KIAA1549L: variants seen among roughly 807,000 people sequenced by gnomAD.
KIAA1549L encodes KIAA1549 like.
A neutral mutation model predicts 160.7 loss-of-function variants in KIAA1549L; 88 were observed. The observed-to-expected ratio is 0.55, with a 90% CI of 0.46 to 0.65. The LOEUF (loss-of-function observed/expected upper bound fraction) is 0.65, where lower values mean the gene tolerates loss of function less well. Among genes scored for constraint, KIAA1549L ranks in the 30% least tolerant of loss-of-function variants. The pLI is 0.00. For synonymous variants in KIAA1549L, 950 were observed against 976.7 expected, an observed-to-expected ratio of 0.97 and a Z score of 0.51; for missense variants, 2,258 against 2,437.5, an observed-to-expected ratio of 0.93 and a Z score of 1.55.
chr11:33,644,829 A>G (rs1851673331), intron 16 of KIAA1549L, among the ~76,000 whole-genome samples: 1 of 152,216 alleles, frequency 6.6e-6, no homozygotes, highest in African/African-American at 2.4e-5. Context: ...CTTGAGATTC[A>G]TGCACGTCCA....
At chr11:33,520,165 G>A (rs2756279) in intron 1 of KIAA1549L, among the ~76,000 whole-genome samples, 58,736 of 151,542 alleles carry the variant, frequency 0.39, 11,450 homozygotes, top group Middle Eastern at 0.54. Flanking sequence ...AAGATCTAGC[G>A]AATTTTTAAG....
At chr11:33,439,408 T>C (rs1851447689) in intron 1 of KIAA1549L, among the ~76,000 whole-genome samples, 1 of 151,782 alleles carries the variant, frequency 6.6e-6, no homozygotes, top group South Asian at 2.1e-4. Flanking sequence ...TTTTTGTTTC[T>C]GTTTTTGTTT....
intron 1 of KIAA1549L, among the ~76,000 whole-genome samples, chr11:33,466,899 A>C (rs796881560): frequency 6.8e-6 from 1 of 147,470 alleles, no homozygotes; most frequent in African/African-American, 2.5e-5. Context: ...GTTCTCACTC[A>C]TAAGTGGGAG....
At chr11:33,567,947 G>T (rs1855105336) in intron 8 of KIAA1549L, 129 bp from the exon 9 acceptor site, 3 of 860,412 alleles carry the variant, frequency 3.5e-6, no homozygotes, top group Non-Finnish European at 5.1e-6. Flanking sequence ...AGGTAAGGTT[G>T]GCCAAGCCCT....
chr11:33,595,696 A>G (rs887135283), intron 12 of KIAA1549L, among the ~76,000 whole-genome samples: 3 of 152,148 alleles, frequency 2.0e-5, no homozygotes, highest in Non-Finnish European at 4.4e-5. Flanking sequence ...CCCGTTATGA[A>G]TCTTATGTTT....
At chr11:33,481,124 G>A (rs1852403271) in intron 1 of KIAA1549L, among the ~76,000 whole-genome samples, 1 of 152,088 alleles carries the variant, frequency 6.6e-6, no homozygotes, top group Non-Finnish European at 1.5e-5. Context: ...GACTTCCTTT[G>A]GGCTAAGTGG....
chr11:33,583,758 C>CA, intron 11 of KIAA1549L, among the ~76,000 whole-genome samples: 1 of 152,102 alleles, frequency 6.6e-6, no homozygotes, highest in Non-Finnish European at 1.5e-5. Context: ...GGAGGAAGTA[C>CA]TATTATTTTA....
Position 33,543,450 on chromosome 11 carries a change from ACT to A in KIAA1549L, c.1891_1892del (p.Ser631HisfsTer49). The A allele has an allele frequency of 6.2e-7, 1 of 1,613,556 alleles. No homozygotes were observed. Among genetic ancestry groups the A allele is most frequent in the Non-Finnish European group, 8.5e-7 (1 of 1,179,816 alleles). ...LPSGPPLPSI[L>X]SIQATQTVFP... ...CTTCAGGACCACCTCTACCTTCCAT[ACT>A]CTCCATACAAGCCACCCAGACTGTT... On this transcript the variant is annotated frameshift_variant, in exon 2 of 21. Transcript: ENST00000658780. LOFTEE classifies it high-confidence loss of function.
chr11:33,480,315 T>C (rs149492145), intron 1 of KIAA1549L, among the ~76,000 whole-genome samples: 23 of 152,310 alleles, frequency 1.5e-4, no homozygotes, highest in African/African-American at 5.3e-4. Flanking sequence ...CTTCTTTCAC[T>C]TAGTATAAGG....
Position 33,671,605 on chromosome 11 carries a change from CACACACACACA to C in KIAA1549L, c.*3452_*3462del, listed in dbSNP as rs1309279593. On this transcript the variant is annotated 3_prime_UTR_variant, in exon 21 of 21. Transcript: ENST00000658780. ...AAACACACACACACACACACACACA[CACACACACACA>C]CCCTACTTCGGAGAGAGAATGTAGA... 5 of 152,148 alleles carry C rather than the reference CACACACACACA, an allele frequency of 3.3e-5. No homozygotes were observed. Among genetic ancestry groups the C allele is most frequent in the African/African-American group, 9.6e-5 (4 of 41,486 alleles). The allele number at this position is 152,148 out of a possible 1,614,324, so 9.4% of individuals were successfully genotyped here.
At chr11:33,409,812 G>A (rs1033054063) in intron 1 of KIAA1549L, among the ~76,000 whole-genome samples, 23 of 130,990 alleles carry the variant, frequency 1.8e-4, no homozygotes, top group African/African-American at 6.6e-4. Flanking sequence ...TTCCATGATG[G>A]TTTTCTCTAG....
rs72911182 is a variant in KIAA1549L, at chr11:33,492,712, G to A, written c.239-49090G>A. Reference sequence around the variant, plus strand: ...ACTGTGTTAGTTCTGCTTCTTTAGCGAGATTAGATTTATTATTGTCCCAGG... The same window carrying A: ...ACTGTGTTAGTTCTGCTTCTTTAGCAAGATTAGATTTATTATTGTCCCAGG... On this transcript the variant is annotated intron_variant, in intron 1 of 20. Coordinates refer to ENST00000658780, the MANE Select transcript of KIAA1549L (RefSeq NM_012194.3). Among the ~76,000 whole-genome samples, 662 of 152,214 alleles carry A rather than the reference G, an allele frequency of 4.3e-3. 3 individuals carry two copies. Among genetic ancestry groups the A allele is most frequent in the Non-Finnish European group, 6.8e-3 (464 of 68,002 alleles).
At chr11:33,554,721 C>T (rs1037081682) in intron 6 of KIAA1549L, among the ~76,000 whole-genome samples, 3 of 152,138 alleles carry the variant, frequency 2.0e-5, no homozygotes, top group Non-Finnish European at 2.9e-5. Flanking sequence ...ATGAACTAGG[C>T]CTGACTACTC....
At chr11:33,403,294 C>CACACATGCAGACACACACAG (rs1850552938) in intron 1 of KIAA1549L, 4 of 38,610 alleles carry the variant, frequency 1.0e-4, no homozygotes, top group African/African-American at 1.2e-4. Flanking sequence ...CACACACACA[C>CACACATGCAGACACACACAG]ACACACGCAT....
At chr11:33,515,532 TG>T (rs1853324421) in intron 1 of KIAA1549L, among the ~76,000 whole-genome samples, 1 of 152,168 alleles carries the variant, frequency 6.6e-6, no homozygotes, top group Non-Finnish European at 1.5e-5. Flanking sequence ...TGCTCAGCCA[TG>T]GGGGAGATGA....
chr11:33,648,935 C>T (rs1256759532), intron 17 of KIAA1549L, among the ~76,000 whole-genome samples: 2 of 152,286 alleles, frequency 1.3e-5, no homozygotes, highest in Middle Eastern at 3.4e-3. Flanking sequence ...GTCTACTGGA[C>T]ACAGCTAAGT....
At chr11:33,424,418 G>A (rs967332098) in intron 1 of KIAA1549L, among the ~76,000 whole-genome samples, 1 of 152,098 alleles carries the variant, frequency 6.6e-6, no homozygotes, top group African/African-American at 2.4e-5. Flanking sequence ...CATCCACCTT[G>A]CAGTCTTAAT....
intron 1 of KIAA1549L, among the ~76,000 whole-genome samples, chr11:33,525,210 T>A (rs1359407869): frequency 2.0e-5 from 3 of 152,180 alleles, no homozygotes; most frequent in Non-Finnish European, 4.4e-5. Context: ...GGCTTGCCAC[T>A]GCAGACTCTG....
At chr11:33,514,325 C>T (rs1011488901) in intron 1 of KIAA1549L, among the ~76,000 whole-genome samples, 2 of 152,188 alleles carry the variant, frequency 1.3e-5, no homozygotes, top group African/African-American at 4.8e-5. Context: ...TTGGAGAATT[C>T]GTTTCCCAGA....
Sources: gnomAD v4.1 joint callset for allele counts (sites outside exome capture counted in the v4.1 genomes callset) on GRCh38, gnomAD v4.1.1 for gene constraint, MANE v1.5 for transcripts, NCBI Gene and HGNC (gene_info 2026-07-23, HGNC 2026-07-21) for gene names.